The following MTM1 variants were observed in gnomAD, a reference collection of about 807,000 sequenced individuals.
The protein encoded by MTM1 is myotubularin 1.
A neutral mutation model predicts 52.1 loss-of-function variants in MTM1; 9 were observed. The ratio of observed to expected loss-of-function variants is 0.17; its 90% CI spans 0.10 to 0.30. The LOEUF (loss-of-function observed/expected upper bound fraction) is 0.30. MTM1 is among the 10% of genes least tolerant of loss of function. The pLI is 1.00. For synonymous variants in MTM1, 136 were observed against 163.8 expected (o/e 0.83, Z 1.29); for missense variants, 277 against 470.7 (o/e 0.59, Z 3.81).
At chrX:150,641,670 G>A (rs182827809) in intron 8 of MTM1, among the ~76,000 whole-genome samples, 101 of 111,463 alleles carry the variant, frequency 9.1e-4, no homozygotes, top group Middle Eastern at 9.2e-3. Context: ...TGCAAGTAAT[G>A]GGAACCAAGT....
At chrX:150,586,707 G>A (rs1412563033) in intron 1 of MTM1, among the ~76,000 whole-genome samples, 3 of 110,477 alleles carry the variant, frequency 2.7e-5, no homozygotes, top group African/African-American at 9.9e-5. Context: ...TGAGGTCAGG[G>A]GTTCAAGACC....
chrX:150,628,188 G>A (rs1490816623), intron 6 of MTM1, among the ~76,000 whole-genome samples: 1 of 111,830 alleles, frequency 8.9e-6, no homozygotes, highest in African/African-American at 3.3e-5. Flanking sequence ...GAAAGCCAGT[G>A]TGTTCCTCTT....
chrX:150,619,023 C>T lies in MTM1; in HGVS notation c.343-15C>T. 8.7e-7 allele frequency: 1 copy of T among 1,145,817 alleles called. No homozygotes were observed. The highest frequency in any genetic ancestry group is 1.2e-6 in the Non-Finnish European group (1 of 835,187). The allele number at this position is 1,145,817 out of a possible 1,213,427, so 94.4% of individuals were successfully genotyped here. ...CTTTGAAGACTGAACTGTCATACTT[C>T]TCCTTTGCCCCCAGGACATGAGAAA... On this transcript the variant is annotated splice_polypyrimidine_tract_variant and intron_variant, in intron 5 of 14. Coordinates refer to ENST00000370396, the MANE Select transcript of MTM1 (RefSeq NM_000252.3).
At chrX:150,606,221 C>T (rs1393872932) in intron 4 of MTM1, among the ~76,000 whole-genome samples, 1 of 110,983 alleles carries the variant, frequency 9.0e-6, no homozygotes, top group Non-Finnish European at 1.9e-5. Context: ...CTTAAATCAT[C>T]TTCTTATATT....
At chrX:150,591,199 G>A (rs1223752751) in intron 1 of MTM1, among the ~76,000 whole-genome samples, 3 of 112,280 alleles carry the variant, frequency 2.7e-5, no homozygotes, top group Non-Finnish European at 5.6e-5. Context: ...TTTCTATAAA[G>A]ACGTATTTTG....
chrX:150,598,428 G>A (rs879993599), intron 3 of MTM1, among the ~76,000 whole-genome samples, 164 bp from the exon 4 acceptor site: 1 of 112,222 alleles, frequency 8.9e-6, no homozygotes, highest in Non-Finnish European at 1.9e-5. Flanking sequence ...ACTCAACCCA[G>A]CACGGTAATG....
chrX:150,620,411 A>G (rs1325552209), intron 6 of MTM1, among the ~76,000 whole-genome samples: 1 of 112,275 alleles, frequency 8.9e-6, no homozygotes, highest in African/African-American at 3.2e-5. Flanking sequence ...AAACTTCTGG[A>G]AAGAATATTC....
chrX:150,616,015 A>G (rs781927729), intron 5 of MTM1, among the ~76,000 whole-genome samples: 3 of 111,542 alleles, frequency 2.7e-5, no homozygotes, highest in Admixed American at 9.5e-5. Flanking sequence ...AGAGTGCTCA[A>G]GGGAAAATGG....
intron 1 of MTM1, among the ~76,000 whole-genome samples, chrX:150,576,375 C>T (rs1406300538): frequency 1.8e-5 from 2 of 111,719 alleles, no homozygotes; most frequent in African/African-American, 6.5e-5. Flanking sequence ...ATAGCTGTGT[C>T]TGTCTTTTCA....
intron 13 of MTM1, among the ~76,000 whole-genome samples, chrX:150,662,129 A>G (rs782209966): frequency 2.7e-5 from 3 of 111,614 alleles, no homozygotes; most frequent in Non-Finnish European, 5.6e-5. Context: ...ACTTTTTTTC[A>G]TAACCTTGTC....
intron 10 of MTM1, among the ~76,000 whole-genome samples, chrX:150,650,237 G>C (rs1274482529): frequency 1.8e-5 from 2 of 110,059 alleles, no homozygotes; most frequent in East Asian, 5.7e-4. Flanking sequence ...GATAAGAGGT[G>C]GTTAGTTTTG....
intron 1 of MTM1, among the ~76,000 whole-genome samples, chrX:150,581,848 C>T (rs2038590965): frequency 9.0e-6 from 1 of 111,355 alleles, no homozygotes. Context: ...GATAGTAATA[C>T]CTAGTTGCCT....
intron 9 of MTM1, 136 bp downstream of exon 9, chrX:150,646,007 A>G: frequency 1.7e-6 from 1 of 583,614 alleles, no homozygotes; most frequent in Non-Finnish European, 2.8e-6. Context: ...TTAGACAGAA[A>G]GTAGTTTTAA....
intron 14 of MTM1, among the ~76,000 whole-genome samples, chrX:150,664,560 A>T (rs1462379428): frequency 8.9e-6 from 1 of 112,758 alleles, no homozygotes; most frequent in Non-Finnish European, 1.9e-5. Flanking sequence ...GCAATTTGGT[A>T]ATGGTTGAAA....
chrX:150,600,910 GAT>G (rs1355264441), intron 4 of MTM1, among the ~76,000 whole-genome samples: 2 of 111,644 alleles, frequency 1.8e-5, no homozygotes, highest in African/African-American at 6.5e-5. Flanking sequence ...TCAAACTGAT[GAT>G]ATGACAAGGT....
At chrX:150,610,545 A>C (rs1253183666) in intron 4 of MTM1, among the ~76,000 whole-genome samples, 1 of 112,491 alleles carries the variant, frequency 8.9e-6, no homozygotes, top group Non-Finnish European at 1.9e-5. Flanking sequence ...AAAATCCTTA[A>C]ATATTTAATG....
intron 4 of MTM1, among the ~76,000 whole-genome samples, chrX:150,606,490 T>A (rs782544113): frequency 2.7e-5 from 3 of 111,685 alleles, no homozygotes; most frequent in Non-Finnish European, 3.8e-5. Flanking sequence ...TCAGATTGAC[T>A]TCTCACTACA....
At chrX:150,641,185 G>T in intron 7 of MTM1, 84 bp from the exon 8 acceptor site, 1 of 1,067,540 alleles carries the variant, frequency 9.4e-7, no homozygotes. Context: ...TGCACATATT[G>T]CTAGAAGGAA....
At chrX:150,635,685 T>A in intron 6 of MTM1, among the ~76,000 whole-genome samples, 1 of 112,129 alleles carries the variant, frequency 8.9e-6, no homozygotes, top group East Asian at 2.8e-4. Flanking sequence ...TATATTCTCT[T>A]AATCTTTAAG....
Sources: gnomAD v4.1 joint callset for allele counts (sites outside exome capture counted in the v4.1 genomes callset) on GRCh38, gnomAD v4.1.1 for gene constraint, MANE v1.5 for transcripts, NCBI Gene and HGNC (gene_info 2026-07-23, HGNC 2026-07-21) for gene names.